The following NR1H4 variants were observed in gnomAD, a reference collection of about 807,000 sequenced individuals.
The protein encoded by NR1H4 is bile acid receptor.
Under a neutral mutation model 58.5 loss-of-function variants are expected in NR1H4, and 23 were observed. The observed-to-expected ratio is 0.39, with a 90% CI of 0.28 to 0.56. The LOEUF is 0.56. Ranked by LOEUF, NR1H4 falls within the 20% of genes least tolerant of loss-of-function variation. The pLI, the probability that NR1H4 is intolerant of heterozygous loss-of-function variation, is 0.58. For synonymous variants in NR1H4, 214 were observed against 198.0 expected, an observed-to-expected ratio of 1.08 and a Z score of -0.68; for missense variants, 487 against 576.9, an observed-to-expected ratio of 0.84 and a Z score of 1.60.
intron 1 of NR1H4, among the ~76,000 whole-genome samples, chr12:100,478,462 A>C (rs1399174017): frequency 6.6e-6 from 1 of 152,236 alleles, no homozygotes; most frequent in Non-Finnish European, 1.5e-5. Flanking sequence ...AGTTGAGGAC[A>C]GGAAATGATA....
In NR1H4 at chr12:100,545,668, AAC is replaced by A. The variant is rs1195093914; in HGVS notation, c.1078+4851_1078+4852del. On this transcript the variant is annotated intron_variant, in intron 9 of 10. Transcript: ENST00000392986. ...AAAAAAAAAAAAAAAAAAAAAAAAA[AAC>A]CAAACGGGGGGCATATATGCGTAAT... Among the ~76,000 whole-genome samples, 135 of 148,672 alleles carry A rather than the reference AAC, an allele frequency of 9.1e-4. 29 individuals carry two copies. The highest frequency in any genetic ancestry group is 2.5e-3 in the African/African-American group (100 of 39,960).
At chr12:100,503,007 G>A (rs1029134121) in intron 3 of NR1H4, among the ~76,000 whole-genome samples, 4 of 152,110 alleles carry the variant, frequency 2.6e-5, no homozygotes, top group African/African-American at 4.8e-5. Context: ...TTGGGACACA[G>A]CCAAACCATA....
At chr12:100,477,604 A>G (rs1165944236) in intron 1 of NR1H4, among the ~76,000 whole-genome samples, 1 of 152,228 alleles carries the variant, frequency 6.6e-6, no homozygotes, top group Non-Finnish European at 1.5e-5. Flanking sequence ...TAAATAATGT[A>G]GTTGTGCATG....
chr12:100,537,648 G>A (rs1413822824), intron 8 of NR1H4, among the ~76,000 whole-genome samples: 1 of 152,236 alleles, frequency 6.6e-6, no homozygotes, highest in Non-Finnish European at 1.5e-5. Context: ...AAAAGAAAAA[G>A]AAGTTTTCCA....
rs1305913042 is a variant in NR1H4, at chr12:100,513,798, CAGAAAGGAAGGAAGGA to C, written c.445+2658_445+2673del. Among the ~76,000 whole-genome samples the C allele has an allele frequency of 1.5e-4, 13 of 87,384 alleles. No individual in the cohort carries two copies. The South Asian group carries it at 2.5e-3, about 17-fold the overall frequency. 57.3% of individuals were successfully genotyped at this position (87,384 alleles called of 152,430 possible). On this transcript the variant is annotated intron_variant, in intron 4 of 10. Coordinates refer to ENST00000392986, the MANE Select transcript of NR1H4 (RefSeq NM_001206979.2). The stretch of plus-strand genomic sequence containing the variant: ...TGACAGAGCGAGACTCCGTCAAAGA[CAGAAAGGAAGGAAGGA>C]AGGAAGGAAGGAAGGAAGGAAGGAA...
At chr12:100,499,949 G>A (rs1352255913) in intron 3 of NR1H4, 1 of 455,956 alleles carries the variant, frequency 2.2e-6, no homozygotes, top group Admixed American at 2.3e-5. Context: ...TTTAAATAAG[G>A]TGATAAGAAG....
chr12:100,545,715 G>T (rs1044086289), intron 9 of NR1H4, among the ~76,000 whole-genome samples: 1 of 148,394 alleles, frequency 6.7e-6, no homozygotes, highest in Non-Finnish European at 1.5e-5. Context: ...TATTAATTAC[G>T]GCACCAGAAA....
intron 3 of NR1H4, among the ~76,000 whole-genome samples, chr12:100,505,314 A>T (rs1452434113): frequency 6.6e-6 from 1 of 152,062 alleles, no homozygotes; most frequent in Non-Finnish European, 1.5e-5. Flanking sequence ...CTGGTCCCAA[A>T]CTCCTTAGAG....
chr12:100,543,058 G>A lies in NR1H4; in HGVS notation c.1078+2240G>A, dbSNP rs17030304. Among the ~76,000 whole-genome samples, 2,019 of 152,116 alleles carry A rather than the reference G, an allele frequency of 0.013. 120 individuals are homozygous for A. The East Asian group carries it at 0.14, about 11-fold the overall frequency. On this transcript the variant is annotated intron_variant, in intron 9 of 10. Transcript: ENST00000392986. Reference sequence around the variant, plus strand: ...GATGACTCCTAGTTGAGAGAGCTCCGAAAAAGTTTTATTGGCATTTGAGCT... The same window carrying A: ...GATGACTCCTAGTTGAGAGAGCTCCAAAAAAGTTTTATTGGCATTTGAGCT...
chr12:100,527,455 C>A (rs1056125427), intron 4 of NR1H4, among the ~76,000 whole-genome samples: 5 of 152,158 alleles, frequency 3.3e-5, no homozygotes, highest in Non-Finnish European at 7.4e-5. Context: ...ATCGCTTGAG[C>A]CCAGGAGTTT....
intron 3 of NR1H4, among the ~76,000 whole-genome samples, chr12:100,510,134 C>A (rs1278595101): frequency 6.6e-6 from 1 of 152,128 alleles, no homozygotes; most frequent in Admixed American, 6.5e-5. Flanking sequence ...TAGATCGTTT[C>A]CAATTTATGG....
chr12:100,546,901 G>C (rs1317553873), intron 9 of NR1H4, among the ~76,000 whole-genome samples: 1 of 152,022 alleles, frequency 6.6e-6, no homozygotes, highest in Non-Finnish European at 1.5e-5. Context: ...TTTCACCTAA[G>C]AAAACCCTCT....
At chr12:100,499,517 G>T (rs1953786472) in intron 3 of NR1H4, among the ~76,000 whole-genome samples, 1 of 152,190 alleles carries the variant, frequency 6.6e-6, no homozygotes, top group South Asian at 2.1e-4. Context: ...GAGAAGGAAA[G>T]AAATATTGAA....
intron 4 of NR1H4, among the ~76,000 whole-genome samples, chr12:100,518,370 A>G (rs2136188079): frequency 6.6e-6 from 1 of 152,348 alleles, no homozygotes; most frequent in South Asian, 2.1e-4. Flanking sequence ...AGTAGTCAGA[A>G]GAGAGCCAAC....
At chr12:100,514,691 GC>G (rs1235222407) in intron 4 of NR1H4, among the ~76,000 whole-genome samples, 1 of 152,094 alleles carries the variant, frequency 6.6e-6, no homozygotes, top group South Asian at 2.1e-4. Flanking sequence ...TCAAACTTGA[GC>G]TACACCTGGA....
At chr12:100,524,179 C>T (rs143830866) in intron 4 of NR1H4, among the ~76,000 whole-genome samples, 2,573 of 152,108 alleles carry the variant, frequency 0.017, 31 homozygotes, top group Non-Finnish European at 0.026. Context: ...TTAAAAGAAA[C>T]GTCTTAAAGC....
chr12:100,505,386 AAC>A (rs1430485550), intron 3 of NR1H4, among the ~76,000 whole-genome samples: 1 of 152,222 alleles, frequency 6.6e-6, no homozygotes, highest in Non-Finnish European at 1.5e-5. Context: ...AATAAAATTT[AAC>A]AGTCAGACTC....
intron 3 of NR1H4, chr12:100,503,498 T>C (rs1490763052): frequency 6.3e-7 from 1 of 1,591,828 alleles, no homozygotes; most frequent in African/African-American, 1.3e-5. Flanking sequence ...CCGCGAAAGG[T>C]AGGACACTGT....
chr12:100,483,853 G>T (rs763372467), intron 1 of NR1H4, among the ~76,000 whole-genome samples: 21 of 151,872 alleles, frequency 1.4e-4, no homozygotes, highest in Non-Finnish European at 3.1e-4. Context: ...GTGTGGTGGT[G>T]CATGCCTGTA....
Sources: gnomAD v4.1 joint callset for allele counts (sites outside exome capture counted in the v4.1 genomes callset) on GRCh38, gnomAD v4.1.1 for gene constraint, MANE v1.5 for transcripts, NCBI Gene and HGNC (gene_info 2026-07-23, HGNC 2026-07-21) for gene names.